SPATS2L: variants seen among roughly 807,000 people sequenced by gnomAD.
SPATS2L encodes spermatogenesis associated serine rich 2 like, also known as SPATS2-like protein.
A neutral mutation model predicts 59.6 loss-of-function variants in SPATS2L; 30 were observed. The observed-to-expected ratio is 0.50, with a 90% CI of 0.38 to 0.68. The LOEUF (loss-of-function observed/expected upper bound fraction) is 0.68. SPATS2L is among the 30% of genes least tolerant of loss of function. SPATS2L has a pLI of 0.00. For synonymous variants in SPATS2L, 252 were observed against 263.5 expected (o/e 0.96, Z 0.42); for missense variants, 615 against 700.0 (o/e 0.88, Z 1.37).
chr2:200,465,334 A>G (rs980697343), intron 9 of SPATS2L, among the ~76,000 whole-genome samples: 2 of 152,364 alleles, frequency 1.3e-5, no homozygotes, highest in East Asian at 3.9e-4. Context: ...CAGCTTTCAA[A>G]TGGAATCTTC....
At chr2:200,345,836 G>A (rs892761823) in intron 2 of SPATS2L, among the ~76,000 whole-genome samples, 22 of 152,122 alleles carry the variant, frequency 1.4e-4, no homozygotes, top group African/African-American at 3.1e-4. Context: ...TTTTTGGAGC[G>A]CTTATGGTGA....
At chr2:200,396,294 T>C (rs1331563417) in intron 3 of SPATS2L, among the ~76,000 whole-genome samples, 1 of 151,704 alleles carries the variant, frequency 6.6e-6, no homozygotes, top group African/African-American at 2.4e-5. Context: ...GTTACAGTTA[T>C]AGAGGTAAAT....
chr2:200,326,506 C>G (rs1184205378), intron 1 of SPATS2L, among the ~76,000 whole-genome samples: 1 of 152,122 alleles, frequency 6.6e-6, no homozygotes, highest in Non-Finnish European at 1.5e-5. Flanking sequence ...GAGCATTTTT[C>G]CTCAAAGTTG....
intron 8 of SPATS2L, among the ~76,000 whole-genome samples, chr2:200,454,269 G>A (rs1423712002): frequency 2.0e-5 from 3 of 152,090 alleles, no homozygotes; most frequent in Non-Finnish European, 4.4e-5. Context: ...CTACCAGCAG[G>A]TTCTGCTCTC....
intron 2 of SPATS2L, among the ~76,000 whole-genome samples, chr2:200,345,787 A>G (rs1258772938): frequency 2.0e-5 from 3 of 152,098 alleles, no homozygotes; most frequent in Admixed American, 2.0e-4. Context: ...CAAAATACCT[A>G]GTTTTTGTAT....
intron 4 of SPATS2L, among the ~76,000 whole-genome samples, chr2:200,414,169 C>T (rs1477794819): frequency 2.6e-5 from 4 of 152,002 alleles, no homozygotes; most frequent in African/African-American, 9.7e-5. Context: ...ATCAGATGCA[C>T]AGTAACTGAT....
intron 2 of SPATS2L, among the ~76,000 whole-genome samples, chr2:200,375,514 T>C (rs1374406265): frequency 1.3e-5 from 2 of 152,190 alleles, no homozygotes; most frequent in Non-Finnish European, 2.9e-5. Context: ...GATTAGACCT[T>C]GACTCTGATA....
chr2:200,334,242 T>G (rs868745353), intron 2 of SPATS2L, among the ~76,000 whole-genome samples: 16 of 152,386 alleles, frequency 1.0e-4, no homozygotes, highest in Non-Finnish European at 2.2e-4. Context: ...TTTGCATTTC[T>G]CTGATGGCCA....
At chr2:200,391,789 C>A (rs182231917) in intron 3 of SPATS2L, among the ~76,000 whole-genome samples, 1 of 152,158 alleles carries the variant, frequency 6.6e-6, no homozygotes, top group Non-Finnish European at 1.5e-5. Flanking sequence ...TCAAACTCAG[C>A]TGTGTTTGGT....
chr2:200,428,926 C>T (rs7565519), intron 6 of SPATS2L, among the ~76,000 whole-genome samples: 47,955 of 152,052 alleles, frequency 0.32, 7,880 homozygotes, highest in South Asian at 0.42. Context: ...CACTTGCCTG[C>T]ACTGCAGCAA....
At chr2:200,469,224 C>A (rs911135687) in intron 10 of SPATS2L, among the ~76,000 whole-genome samples, 17 of 152,180 alleles carry the variant, frequency 1.1e-4, no homozygotes, top group African/African-American at 4.1e-4. Context: ...GAAATAATTT[C>A]TTCCTCTTTT....
At chr2:200,420,955 C>T (rs77881505) in intron 6 of SPATS2L, among the ~76,000 whole-genome samples, 2,985 of 152,178 alleles carry the variant, frequency 0.02, 132 homozygotes, top group East Asian at 0.15. Flanking sequence ...TTCAGAATGC[C>T]TCCTAAAAGG....
intron 3 of SPATS2L, among the ~76,000 whole-genome samples, chr2:200,406,200 A>AAT (rs1354339086): frequency 6.6e-6 from 1 of 152,184 alleles, no homozygotes; most frequent in Non-Finnish European, 1.5e-5. Context: ...TGCTGGAAGA[A>AAT]GTGTGTGAGC....
chr2:200,332,977 A>T (rs912432081), intron 2 of SPATS2L, among the ~76,000 whole-genome samples: 1 of 152,150 alleles, frequency 6.6e-6, no homozygotes, highest in African/African-American at 2.4e-5. Flanking sequence ...TCCCACAGAC[A>T]TGATGTTGAA....
intron 2 of SPATS2L, among the ~76,000 whole-genome samples, chr2:200,338,729 A>T (rs2080224286): frequency 6.6e-6 from 1 of 152,222 alleles, no homozygotes; most frequent in Non-Finnish European, 1.5e-5. Context: ...TGTTTTTAAC[A>T]CATCAGTTGG....
At chr2:200,376,113 G>T (rs1371678706) in intron 2 of SPATS2L, among the ~76,000 whole-genome samples, 1 of 152,168 alleles carries the variant, frequency 6.6e-6, no homozygotes, top group African/African-American at 2.4e-5. Context: ...ATTGTATTTG[G>T]AACTTTGGAA....
At chr2:200,377,860 G>A (rs964973083) in intron 2 of SPATS2L, 1 of 152,180 alleles carries the variant, frequency 6.6e-6, no homozygotes, top group African/African-American at 2.4e-5. Context: ...TGATTGATAT[G>A]CCTGTCCTGG....
At chr2:200,471,879 A>G (rs1385379740) in intron 11 of SPATS2L, among the ~76,000 whole-genome samples, 2 of 152,230 alleles carry the variant, frequency 1.3e-5, no homozygotes, top group East Asian at 1.9e-4. Context: ...AGTTGCTTTC[A>G]AAAATTGGTG....
At chr2:200,440,480 T>C (rs1574552814) in intron 7 of SPATS2L, among the ~76,000 whole-genome samples, 169 bp from the exon 8 acceptor site, 1 of 152,274 alleles carries the variant, frequency 6.6e-6, no homozygotes, top group African/African-American at 2.4e-5. Context: ...CAGCCTCAGG[T>C]GCCACACAAG....
Sources: allele counts gnomAD v4.1 joint callset (sites outside exome capture counted in the v4.1 genomes callset), GRCh38; gene constraint gnomAD v4.1.1; transcripts MANE v1.5; gene names NCBI Gene and HGNC (gene_info 2026-07-23, HGNC 2026-07-21).